Variants in DNAH8 observed in about 807,000 individuals in gnomAD.
The protein encoded by DNAH8 is axonemal beta dynein heavy chain 8.
In DNAH8, 382 loss-of-function variants were observed where a neutral mutation model predicts 562.1. That is an observed-to-expected ratio of 0.68 (90% CI 0.63 to 0.74). The LOEUF is 0.74. Ranked by LOEUF, DNAH8 falls within the 30% of genes least tolerant of loss-of-function variation. The pLI is 0.00. For missense variants in DNAH8, 5,203 were observed against 5,620.4 expected (o/e 0.93, Z 2.37); for synonymous variants, 1,881 against 1,919.4 (o/e 0.98, Z 0.52).
chr6:39,015,933 T>G (rs1766537684), intron 91 of DNAH8, among the ~76,000 whole-genome samples: 1 of 152,222 alleles, frequency 6.6e-6, no homozygotes, highest in Non-Finnish European at 1.5e-5. Flanking sequence ...CACAGAAGAC[T>G]GGAAGTCAAC....
chr6:38,992,866 A>G (rs1429206366), intron 88 of DNAH8, among the ~76,000 whole-genome samples: 1 of 152,242 alleles, frequency 6.6e-6, no homozygotes, highest in Non-Finnish European at 1.5e-5. Flanking sequence ...ACAAACTCTC[A>G]GAAAAGTTGC....
rs753649297 is a variant in DNAH8, at chr6:38,896,110, C to T, written c.8825C>T (p.Ala2942Val). The change falls in exon 60 of 93, where the codon GCA becomes GTA. Residue 2942 changes from alanine (A) to valine (V), a missense_variant. Transcript: ENST00000327475. ...GTTGAAGAAAATATTGGCTCTGATG[C>T]AGCGTCGTGTATTCTTCCTGAACCA... Reference protein sequence around the residue: ...RAVEENIGSDAASCILPEPYF... With the variant: ...RAVEENIGSDVASCILPEPYF... The T allele has an allele frequency of 1.2e-6, 2 of 1,614,052 alleles. No individual in the cohort carries two copies. Among genetic ancestry groups the T allele is most frequent in the African/African-American group, 2.7e-5 (2 of 75,050 alleles).
intron 87 of DNAH8, 196 bp downstream of exon 87, chr6:38,984,503 A>C: frequency 1.8e-6 from 1 of 552,660 alleles, no homozygotes; most frequent in Non-Finnish European, 3.2e-6. Context: ...CACAACAACC[A>C]GCAATTGGGC....
intron 72 of DNAH8, chr6:38,923,437 G>A (rs1471407365): frequency 5.3e-5 from 18 of 342,364 alleles, no homozygotes; most frequent in South Asian, 4.3e-4. Flanking sequence ...TGCCAGAGCC[G>A]TCTCCACTCC....
chr6:38,875,158 G>A (rs1314131257), intron 52 of DNAH8, among the ~76,000 whole-genome samples: 3 of 152,184 alleles, frequency 2.0e-5, no homozygotes, highest in Non-Finnish European at 4.4e-5. Flanking sequence ...TTACCAAACA[G>A]GTGGCCAGCC....
At position 38,898,224 on chromosome 6, in the gene DNAH8, A is replaced by G. The variant is rs182436295; in HGVS notation, c.8941-34A>G. On this transcript the variant is annotated intron_variant, in intron 60 of 92. Transcript: ENST00000327475. ...TACTTTAATACATACTTGGATCTTA[A>G]ATATTATTTTTTTATCTTTCTCTCC... 139 of 1,553,724 alleles carry G rather than the reference A, an allele frequency of 8.9e-5. No individual in the cohort carries two copies. The East Asian group carries it at 3.2e-3, about 36-fold the overall frequency.
At chr6:38,828,378 A>C (rs1583119123) in intron 30 of DNAH8, 90 bp downstream of exon 30, 7 of 653,438 alleles carry the variant, frequency 1.1e-5, no homozygotes, top group Admixed American at 7.2e-5. Context: ...CTTAATATAC[A>C]GTCATGTGCC....
At chr6:38,845,915 G>A in intron 36 of DNAH8, 142 bp downstream of exon 36, 1 of 670,862 alleles carries the variant, frequency 1.5e-6, no homozygotes. Flanking sequence ...TATACAAACT[G>A]CCCGTTTTCC....
intron 3 of DNAH8, among the ~76,000 whole-genome samples, chr6:38,729,521 T>C (rs1448411099): frequency 1.3e-5 from 2 of 152,194 alleles, no homozygotes; most frequent in Non-Finnish European, 2.9e-5. Flanking sequence ...CTCAAATAAT[T>C]GGTCAACAAC....
intron 8 of DNAH8, among the ~76,000 whole-genome samples, chr6:38,749,654 C>T (rs1239291403): frequency 6.6e-6 from 1 of 151,976 alleles, no homozygotes; most frequent in Non-Finnish European, 1.5e-5. Flanking sequence ...TGAAGGGTTG[C>T]TGTGTGTTCA....
At chr6:38,990,407 A>G (rs1369768200) in intron 88 of DNAH8, among the ~76,000 whole-genome samples, 2 of 152,136 alleles carry the variant, frequency 1.3e-5, no homozygotes, top group Non-Finnish European at 1.5e-5. Flanking sequence ...TAATTTATGC[A>G]TTGATTATTT....
At chr6:38,978,998 T>G (rs1007929729) in intron 85 of DNAH8, among the ~76,000 whole-genome samples, 1 of 152,248 alleles carries the variant, frequency 6.6e-6, no homozygotes, top group African/African-American at 2.4e-5. Context: ...GCATTCCATG[T>G]CTTGAAGCAC....
intron 8 of DNAH8, among the ~76,000 whole-genome samples, chr6:38,747,469 C>G (rs1406420687): frequency 6.7e-6 from 1 of 149,826 alleles, no homozygotes; most frequent in African/African-American, 2.5e-5. Context: ...TCACTGCAAC[C>G]TCCACCTCCC....
rs867100576 is a variant in DNAH8 at position 38,867,523 on chromosome 6, T to G, written c.6694-539T>G. Reference sequence around the variant, plus strand: ...ATTCTGGGAGGCCGAGGCGAGTGGATCATGAGGTCGGGAGATCGAGACCAT... The same window carrying G: ...ATTCTGGGAGGCCGAGGCGAGTGGAGCATGAGGTCGGGAGATCGAGACCAT... On this transcript the variant is annotated intron_variant, in intron 47 of 92. Coordinates refer to ENST00000327475, the MANE Select transcript of DNAH8 (RefSeq NM_001206927.2). Among the ~76,000 whole-genome samples, 7 of 151,294 alleles carry G rather than the reference T, an allele frequency of 4.6e-5. No individual in the cohort carries two copies. The East Asian group carries it at 7.8e-4, about 17-fold the overall frequency.
chr6:38,730,942 A>G (rs1401433595), intron 4 of DNAH8, among the ~76,000 whole-genome samples: 3 of 152,136 alleles, frequency 2.0e-5, no homozygotes, highest in African/African-American at 7.2e-5. Flanking sequence ...CCTCCAGCAG[A>G]GCCCTTCCCA....
At chr6:38,802,096 C>A (rs12208880) in intron 21 of DNAH8, among the ~76,000 whole-genome samples, 30,884 of 151,582 alleles carry the variant, frequency 0.2, 3,499 homozygotes, top group Middle Eastern at 0.24. Context: ...CCATGCCTGG[C>A]AAAATTCTAA....
rs532300182 is a variant in DNAH8, at chr6:39,004,123, C to A, written c.13215-4691C>A. ...AGGCATGGTGGTGTGTACCTGTAGTCCCAGCTCCTTGGGAAGCTGAAGTAG... is the reference window on the plus strand; with the variant it reads ...AGGCATGGTGGTGTGTACCTGTAGTACCAGCTCCTTGGGAAGCTGAAGTAG... On this transcript the variant is annotated intron_variant, in intron 88 of 92. Transcript: ENST00000327475. Among the ~76,000 whole-genome samples, 17 of 152,236 alleles carry A rather than the reference C, an allele frequency of 1.1e-4. No individual in the cohort carries two copies. The South Asian group carries it at 3.5e-3, about 32-fold the overall frequency.
At chr6:38,807,254 C>T (rs979859873) in intron 23 of DNAH8, among the ~76,000 whole-genome samples, 5 of 152,018 alleles carry the variant, frequency 3.3e-5, no homozygotes, top group South Asian at 2.1e-4. Context: ...GTGCCCATGC[C>T]GTTAATCATT....
At chr6:38,776,445 T>TG (rs1252952890) in intron 13 of DNAH8, among the ~76,000 whole-genome samples, 1 of 152,158 alleles carries the variant, frequency 6.6e-6, no homozygotes, top group Non-Finnish European at 1.5e-5. Flanking sequence ...CTTGAACTCC[T>TG]GACTTCAGGT....
Sources: allele counts gnomAD v4.1 joint callset (sites outside exome capture counted in the v4.1 genomes callset), GRCh38; gene constraint gnomAD v4.1.1; transcripts MANE v1.5; gene names NCBI Gene and HGNC (gene_info 2026-07-23, HGNC 2026-07-21).